CLGN: variants seen among roughly 807,000 people sequenced by gnomAD.
CLGN encodes calmegin.
Under a neutral mutation model 79.1 loss-of-function variants are expected in CLGN, and 62 were observed. The ratio of observed to expected loss-of-function variants is 0.78; its 90% confidence interval spans 0.64 to 0.97. The LOEUF (loss-of-function observed/expected upper bound fraction) is 0.97. Among genes scored for constraint, CLGN ranks in the 50% least tolerant of loss-of-function variants. The pLI is 0.00. For synonymous variants in CLGN, 225 were observed against 224.7 expected (o/e 1.00, Z -0.01); for missense variants, 647 against 715.5 (o/e 0.90, Z 1.09).
At chr4:140,389,750 GAGGGC>G (rs1234277120) in intron 14 of CLGN, among the ~76,000 whole-genome samples, 1 of 151,800 alleles carries the variant, frequency 6.6e-6, no homozygotes. Context: ...TAAAAACTCA[GAGGGC>G]AGGAAGACCA....
intron 1 of CLGN, among the ~76,000 whole-genome samples, chr4:140,424,982 A>G (rs1485285298): frequency 6.6e-6 from 1 of 152,222 alleles, no homozygotes; most frequent in Non-Finnish European, 1.5e-5. Flanking sequence ...CTGGATCTCC[A>G]CTACCACCCC....
intron 1 of CLGN, among the ~76,000 whole-genome samples, chr4:140,413,901 G>C (rs909471732): frequency 6.6e-6 from 1 of 152,252 alleles, no homozygotes; most frequent in Non-Finnish European, 1.5e-5. Context: ...ACCTCTGGGG[G>C]CAGGGCACAG....
rs570215056 is a variant in CLGN, at chr4:140,408,966, T to TAC, written c.277+869_277+870dup. Among the ~76,000 whole-genome samples the TAC allele has an allele frequency of 3.1e-3, 477 of 151,504 alleles. 1 individual carries two copies. Among genetic ancestry groups the TAC allele is most frequent in the South Asian group, 7.5e-3 (36 of 4,800 alleles). ...ATATATGTATATATGTGTATATATATACACAGGGGATTTGCTGGGATGGCG... is the reference window on the plus strand; with the variant it reads ...ATATATGTATATATGTGTATATATATACACACAGGGGATTTGCTGGGATGGCG... On this transcript the variant is annotated intron_variant, in intron 4 of 14. Coordinates refer to ENST00000325617, the MANE Select transcript of CLGN (RefSeq NM_004362.3).
chr4:140,396,907 G>A (rs200453710), intron 8 of CLGN, among the ~76,000 whole-genome samples: 3,555 of 116,864 alleles, frequency 0.03, 124 homozygotes, highest in African/African-American at 0.071. Flanking sequence ...ATATATATAT[G>A]TATATATATA....
chr4:140,412,157 C>T (rs1389314468), intron 2 of CLGN, among the ~76,000 whole-genome samples: 1 of 152,058 alleles, frequency 6.6e-6, no homozygotes, highest in Non-Finnish European at 1.5e-5. Flanking sequence ...ACAGGGGAAA[C>T]ATACTATTCA....
intron 6 of CLGN, among the ~76,000 whole-genome samples, chr4:140,401,745 C>G (rs1481277025): frequency 2.0e-5 from 3 of 151,966 alleles, no homozygotes; most frequent in African/African-American, 7.2e-5. Flanking sequence ...TAGTTTTTGT[C>G]CTACAGACAT....
intron 1 of CLGN, among the ~76,000 whole-genome samples, chr4:140,415,237 T>G (rs536598909): frequency 3.9e-5 from 6 of 152,306 alleles, no homozygotes; most frequent in Non-Finnish European, 8.8e-5. Flanking sequence ...TACCAGCTGC[T>G]GCAAAATCAT....
At chr4:140,407,588 A>C (rs1237029648) in intron 4 of CLGN, among the ~76,000 whole-genome samples, 1 of 31,798 alleles carries the variant, frequency 3.1e-5, no homozygotes, top group Non-Finnish European at 1.1e-4. Context: ...AATGGCTGCA[A>C]AAAAAAAAAA....
chr4:140,402,168 T>C, intron 5 of CLGN, 102 bp from the exon 6 acceptor site: 1 of 589,962 alleles, frequency 1.7e-6, no homozygotes, highest in East Asian at 3.3e-5. Flanking sequence ...GTATAAATTT[T>C]TTTACATTAT....
At chr4:140,405,577 A>G (rs1170238183) in intron 5 of CLGN, among the ~76,000 whole-genome samples, 1 of 152,258 alleles carries the variant, frequency 6.6e-6, no homozygotes, top group East Asian at 1.9e-4. Context: ...TACAGTATAT[A>G]TCACATAATT....
Position 140,424,300 on chromosome 4 carries a change from C to T in CLGN, c.-10+3237G>A, listed in dbSNP as rs117222315. 5.4e-3 allele frequency among the ~76,000 whole-genome samples: 819 copies of T among 152,244 alleles called. 31 individuals carry two copies. The East Asian group carries it at 0.084, about 16-fold the overall frequency. On this transcript the variant is annotated intron_variant, in intron 1 of 14. Transcript: ENST00000325617. ...TCAAGAGTGTGCTGTTTAATTTCCA[C>T]ATATTTGTGAATTTTTCTTGTTTTC...
At chr4:140,399,129 C>T in intron 7 of CLGN, 89 bp from the exon 8 acceptor site, 2 of 1,074,642 alleles carry the variant, frequency 1.9e-6, no homozygotes, top group Non-Finnish European at 2.6e-6. Flanking sequence ...CCCTTAACTC[C>T]ATGGGTAAAG....
At chr4:140,421,511 C>A (rs755198073) in intron 1 of CLGN, among the ~76,000 whole-genome samples, 1 of 151,898 alleles carries the variant, frequency 6.6e-6, no homozygotes. Context: ...CCTAATATGG[C>A]GTAGTATCAT....
At chr4:140,397,720 A>G (rs1317451571) in intron 8 of CLGN, among the ~76,000 whole-genome samples, 10 of 152,100 alleles carry the variant, frequency 6.6e-5, no homozygotes, top group Non-Finnish European at 1.5e-4. Flanking sequence ...CCTGACCAAC[A>G]TGGTGAAATC....
At position 140,419,260 on chromosome 4, in the gene CLGN, G is replaced by A. The variant is rs188580862; in HGVS notation, c.-9-6173C>T. On this transcript the variant is annotated intron_variant, in intron 1 of 14. Coordinates refer to ENST00000325617, the MANE Select transcript of CLGN (RefSeq NM_004362.3). ...GGAGTTATACCTAATGCTAGATAACGAGTTAGTGGGTGCAGTGCACCAGTA... is the reference window on the plus strand; with the variant it reads ...GGAGTTATACCTAATGCTAGATAACAAGTTAGTGGGTGCAGTGCACCAGTA... Among the ~76,000 whole-genome samples, 109 of 152,192 alleles carry A rather than the reference G, an allele frequency of 7.2e-4. 1 individual carries two copies. Among genetic ancestry groups the A allele is most frequent in the African/African-American group, 2.6e-3 (106 of 41,512 alleles).
intron 5 of CLGN, 70 bp downstream of exon 5, chr4:140,405,872 C>T: frequency 6.9e-7 from 1 of 1,446,786 alleles, no homozygotes; most frequent in African/African-American, 1.5e-5. Flanking sequence ...TTTCAAAATA[C>T]AAGCTATATT....
chr4:140,411,558 T>G (rs904202743), intron 2 of CLGN, among the ~76,000 whole-genome samples: 1 of 152,118 alleles, frequency 6.6e-6, no homozygotes, highest in Non-Finnish European at 1.5e-5. Flanking sequence ...TGTATCTGTA[T>G]GATTAGTGAG....
intron 5 of CLGN, among the ~76,000 whole-genome samples, chr4:140,402,909 T>A (rs913909298): frequency 6.6e-6 from 1 of 152,092 alleles, no homozygotes; most frequent in Non-Finnish European, 1.5e-5. Context: ...ACATGAAAAC[T>A]AGAGAAATAA....
intron 1 of CLGN, among the ~76,000 whole-genome samples, chr4:140,413,671 C>G (rs926077436): frequency 1.3e-5 from 2 of 152,236 alleles, no homozygotes; most frequent in Admixed American, 6.5e-5. Context: ...CGGCGCACCA[C>G]GAGATTATAT....
Sources: allele counts gnomAD v4.1 joint callset (sites outside exome capture counted in the v4.1 genomes callset), GRCh38; gene constraint gnomAD v4.1.1; transcripts MANE v1.5; gene names NCBI Gene and HGNC (gene_info 2026-07-23, HGNC 2026-07-21).